Variants in CAMK2D observed in about 807,000 individuals in gnomAD.
The protein encoded by CAMK2D is calcium/calmodulin-dependent protein kinase type II subunit delta.
In CAMK2D, 37 loss-of-function variants were observed where a neutral mutation model predicts 84.0. The observed-to-expected ratio is 0.44, with a 90% confidence interval of 0.34 to 0.58. The LOEUF is 0.58. Ranked by LOEUF, CAMK2D falls within the 20% of genes least tolerant of loss-of-function variation. The pLI is 0.02. For synonymous variants in CAMK2D, 202 were observed against 212.5 expected, an observed-to-expected ratio of 0.95 and a Z score of 0.43; for missense variants, 448 against 652.5, an observed-to-expected ratio of 0.69 and a Z score of 3.41.
At chr4:113,669,074 A>T (rs773984321) in intron 2 of CAMK2D, among the ~76,000 whole-genome samples, 14 of 152,170 alleles carry the variant, frequency 9.2e-5, no homozygotes, top group Admixed American at 3.3e-4. Context: ...AATGGCATCT[A>T]TTCAGAGATA....
chr4:113,689,582 T>C (rs2099377476), intron 2 of CAMK2D, among the ~76,000 whole-genome samples: 1 of 152,232 alleles, frequency 6.6e-6, no homozygotes, highest in Admixed American at 6.5e-5. Context: ...CTGTCCTTCT[T>C]ATTCTTTCAG....
chr4:113,469,904 A>G (rs1347361376), intron 16 of CAMK2D, among the ~76,000 whole-genome samples: 4 of 152,128 alleles, frequency 2.6e-5, no homozygotes, highest in African/African-American at 9.7e-5. Context: ...CTCTGGGTAT[A>G]AGCACCCATC....
At chr4:113,692,905 C>T (rs921233162) in intron 2 of CAMK2D, among the ~76,000 whole-genome samples, 34 of 152,188 alleles carry the variant, frequency 2.2e-4, no homozygotes, top group African/African-American at 7.9e-4. Context: ...CAAATCTTTT[C>T]AAGTTCTATT....
chr4:113,500,569 T>A, intron 15 of CAMK2D, 58 bp from the exon 16 acceptor site: 1 of 1,179,088 alleles, frequency 8.5e-7, no homozygotes, highest in South Asian at 1.3e-5. Context: ...GATTTCCTCC[T>A]TAAAAATTGG....
At chr4:113,610,875 C>T (rs1440555725) in intron 3 of CAMK2D, among the ~76,000 whole-genome samples, 1 of 152,084 alleles carries the variant, frequency 6.6e-6, no homozygotes, top group Non-Finnish European at 1.5e-5. Context: ...TATATAGTCT[C>T]GTCACCAATA....
intron 2 of CAMK2D, among the ~76,000 whole-genome samples, chr4:113,719,729 C>A (rs2099524586): frequency 6.6e-6 from 1 of 152,134 alleles, no homozygotes; most frequent in Non-Finnish European, 1.5e-5. Context: ...CTTTTAACAT[C>A]TAGTTCAAAC....
At chr4:113,551,193 C>G (rs2098626069) in intron 5 of CAMK2D, among the ~76,000 whole-genome samples, 1 of 152,102 alleles carries the variant, frequency 6.6e-6, no homozygotes, top group Non-Finnish European at 1.5e-5. Context: ...AAAATTTACA[C>G]CATGCAATCC....
intron 12 of CAMK2D, among the ~76,000 whole-genome samples, chr4:113,509,952 T>TTGTGAAATAAA (rs1208761173): frequency 1.3e-5 from 2 of 152,248 alleles, no homozygotes; most frequent in African/African-American, 4.8e-5. Context: ...TTTATTTCAC[T>TTGTGAAATAAA]GTTGGTTGTG....
At chr4:113,506,596 A>T (rs1183681708) in intron 13 of CAMK2D, among the ~76,000 whole-genome samples, 1 of 152,196 alleles carries the variant, frequency 6.6e-6, no homozygotes, top group Non-Finnish European at 1.5e-5. Context: ...AAGGGGAGGG[A>T]TGCACACACG....
chr4:113,723,138 C>T (rs1257179974), intron 2 of CAMK2D, among the ~76,000 whole-genome samples: 1 of 151,644 alleles, frequency 6.6e-6, no homozygotes, highest in African/African-American at 2.4e-5. Context: ...ATTACAATTG[C>T]TTTATTACTT....
chr4:113,634,804 C>G (rs1039458913), intron 3 of CAMK2D, among the ~76,000 whole-genome samples: 1 of 152,176 alleles, frequency 6.6e-6, no homozygotes, highest in Non-Finnish European at 1.5e-5. Context: ...ACATTACTAT[C>G]TATCTGTGAA....
intron 3 of CAMK2D, among the ~76,000 whole-genome samples, chr4:113,613,457 T>TA (rs1201523641): frequency 2.6e-5 from 4 of 151,770 alleles, no homozygotes; most frequent in African/African-American, 9.7e-5. Context: ...AGAGAAGAAA[T>TA]AAAAAAATTA....
intron 16 of CAMK2D, among the ~76,000 whole-genome samples, chr4:113,466,549 A>G (rs1460085280): frequency 6.6e-6 from 1 of 152,156 alleles, no homozygotes; most frequent in African/African-American, 2.4e-5. Flanking sequence ...TTTTTAGACA[A>G]ATGGCCTTTA....
intron 1 of CAMK2D, 97 bp downstream of exon 1, chr4:113,760,907 A>T: frequency 6.6e-7 from 1 of 1,508,284 alleles, no homozygotes; most frequent in Non-Finnish European, 9.2e-7. Flanking sequence ...CCTCTCCCAA[A>T]CTCCCTCGCC....
chr4:113,570,872 A>G (rs1373455855), intron 4 of CAMK2D, among the ~76,000 whole-genome samples: 4 of 152,164 alleles, frequency 2.6e-5, no homozygotes, highest in Admixed American at 2.6e-4. Flanking sequence ...CTAGAGAATG[A>G]GAGAATATAT....
rs1561995957 is a variant in CAMK2D at position 113,713,887 on chromosome 4, T to TG, written c.160+45432_160+45433insC. 5.3e-5 allele frequency among the ~76,000 whole-genome samples: 8 copies of TG among 151,614 alleles called. No individual in the cohort carries two copies. In the East Asian group the frequency reaches 5.8e-4, roughly 11 times the overall value. ...CTTCATGGTAATACAAACTTTTTTT[T>TG]TGGGGGGGTGCATTTATTTGGTTTT... On this transcript the variant is annotated intron_variant, in intron 2 of 20. Transcript: ENST00000511664.
chr4:113,683,367 A>G (rs1320453799), intron 2 of CAMK2D, among the ~76,000 whole-genome samples: 1 of 152,208 alleles, frequency 6.6e-6, no homozygotes, highest in Non-Finnish European at 1.5e-5. Context: ...TGATACAGGA[A>G]CATGGCTGAG....
intron 4 of CAMK2D, among the ~76,000 whole-genome samples, chr4:113,557,483 G>A (rs1469190073): frequency 6.6e-6 from 1 of 152,108 alleles, no homozygotes; most frequent in Non-Finnish European, 1.5e-5. Flanking sequence ...TCTCTTCCGG[G>A]AATTCCCAAG....
chr4:113,486,667 T>G (rs541208570), intron 16 of CAMK2D, among the ~76,000 whole-genome samples: 2 of 152,368 alleles, frequency 1.3e-5, no homozygotes, highest in African/African-American at 4.8e-5. Context: ...CTCTGCTTCC[T>G]GATGCTATAC....
Sources: allele counts gnomAD v4.1 joint callset (sites outside exome capture counted in the v4.1 genomes callset), GRCh38; gene constraint gnomAD v4.1.1; transcripts MANE v1.5; gene names NCBI Gene and HGNC (gene_info 2026-07-23, HGNC 2026-07-21).